Variants in SCAMP5 observed in about 807,000 individuals in gnomAD.
The protein encoded by SCAMP5 is secretory carrier membrane protein 5.
SCAMP5 carries 7 observed loss-of-function variants against 28.3 expected under a neutral mutation model. The ratio of observed to expected loss-of-function variants is 0.25; its 90% CI spans 0.14 to 0.46. The LOEUF (loss-of-function observed/expected upper bound fraction) is 0.46. Among genes scored for constraint, SCAMP5 ranks in the 20% least tolerant of loss-of-function variants. The pLI is 0.99. For missense variants in SCAMP5, 192 were observed against 312.5 expected (o/e 0.61, Z 2.91); for synonymous variants, 117 against 116.4 (o/e 1.00, Z -0.03).
At chr15:75,003,089 C>A (rs542314986) in intron 1 of SCAMP5, among the ~76,000 whole-genome samples, 11 of 152,162 alleles carry the variant, frequency 7.2e-5, no homozygotes, top group Non-Finnish European at 1.6e-4. Context: ...CGCCGTCACA[C>A]CCGGCTTATT....
rs2065656316 is a variant in SCAMP5 at position 74,996,581 on chromosome 15, G to T, written c.-49+908G>T. ...TGGGTGGGAGGAGAGGCAAGAGAGG[G>T]CATTCCAGGAGAATGTATGGGCAAA... On this transcript the variant is annotated intron_variant, in intron 1 of 6. Coordinates refer to ENST00000425597, the MANE Select transcript of SCAMP5 (RefSeq NM_138967.4). The surrounding 1 kb of genome is among the most constrained non-coding windows in gnomAD (Gnocchi z 4.1). Among the ~76,000 whole-genome samples the T allele has an allele frequency of 6.6e-6, 1 of 152,200 alleles. No individual in the cohort carries two copies. Among genetic ancestry groups the T allele is most frequent in the East Asian group, 1.9e-4 (1 of 5,200 alleles).
In SCAMP5 at chr15:75,016,694, C is replaced by G. The variant is rs199541483; in HGVS notation, c.238C>G (p.Leu80Val). ...TGGCCTCGCCTTTCTCTGGCTCATC[C>G]TCTTCACACCCTGCTCCTACGTCTG... ...NFGLAFLWLI[L>V]FTPCSYVCWF... is the part of the protein sequence containing the mutation. Residue 80 changes from leucine (L) to valine (V), a missense_variant, in exon 4 of 7, where the codon CTC becomes GTC. Transcript: ENST00000425597. 1.2e-6 allele frequency: 2 copies of G among 1,613,952 alleles called. No homozygotes were observed. Among genetic ancestry groups the G allele is most frequent in the East Asian group, 2.2e-5 (1 of 44,884 alleles).
intron 1 of SCAMP5, chr15:74,995,927 G>A (rs1322739458): frequency 1.3e-5 from 2 of 152,618 alleles, no homozygotes; most frequent in African/African-American, 4.8e-5. Flanking sequence ...CTCCCGCAGA[G>A]GGAACTGGGC....
intron 1 of SCAMP5, among the ~76,000 whole-genome samples, chr15:75,004,397 A>G (rs77545126): frequency 0.031 from 4,726 of 152,184 alleles, 246 homozygotes; most frequent in African/African-American, 0.11. Flanking sequence ...TACAGACCAG[A>G]CACTGCTTCT....
At position 75,018,487 on chromosome 15, in the gene SCAMP5, T is replaced by C; in HGVS notation, c.465T>C (p.Thr155=). 6.2e-7 allele frequency: 1 copy of C among 1,613,660 alleles called. No individual in the cohort carries two copies. Among genetic ancestry groups the C allele is most frequent in the South Asian group, 1.1e-5 (1 of 91,072 alleles). The change falls in exon 6 of 7, where the codon ACT becomes ACC. Residue 155 remains threonine (T), a synonymous_variant. Coordinates refer to ENST00000425597, the MANE Select transcript of SCAMP5 (RefSeq NM_138967.4). This position sits in a 1 kb window ranked among gnomAD's most constrained non-coding sequence, Gnocchi z 5.6. ...CGGCGGTGGTGATGCTAATTCCCAC[T>C]GTCATGTTCACAGTGATGGCCGTCT... The part of the protein sequence containing the change: ...IGSAVVMLIP[T]VMFTVMAVFS...
rs1341828393 is a variant in SCAMP5 at position 75,016,697 on chromosome 15, T to G, written c.241T>G (p.Phe81Val). 1 of 1,613,942 alleles carries G rather than the reference T, an allele frequency of 6.2e-7. No individual in the cohort carries two copies. Among genetic ancestry groups the G allele is most frequent in the South Asian group, 1.1e-5 (1 of 91,080 alleles). ...CCTCGCCTTTCTCTGGCTCATCCTC[T>G]TCACACCCTGCTCCTACGTCTGCTG... ...FGLAFLWLIL[F>V]TPCSYVCWFR... The change falls in exon 4 of 7, where the codon TTC (phenylalanine) becomes GTC (valine). Residue 81 changes from phenylalanine to valine, a missense_variant. Coordinates refer to ENST00000425597, the MANE Select transcript of SCAMP5 (RefSeq NM_138967.4).
At chr15:75,009,727 C>T (rs1595885566) in intron 1 of SCAMP5, among the ~76,000 whole-genome samples, 1 of 152,230 alleles carries the variant, frequency 6.6e-6, no homozygotes, top group East Asian at 1.9e-4. Context: ...CCTCCTGCCT[C>T]GGACTCCCAA....
intron 1 of SCAMP5, among the ~76,000 whole-genome samples, chr15:74,998,671 C>T (rs919214322): frequency 2.0e-5 from 3 of 151,706 alleles, no homozygotes; most frequent in South Asian, 2.1e-4. Context: ...CCTCCAACCC[C>T]CCACCCCCCA....
intron 3 of SCAMP5, among the ~76,000 whole-genome samples, chr15:75,016,282 G>T (rs952834925): frequency 9.2e-5 from 14 of 152,266 alleles, no homozygotes; most frequent in African/African-American, 3.4e-4. Context: ...AGGAGTGGGT[G>T]CTGGGGTTGA....
At chr15:75,009,503 G>A (rs1414059348) in intron 1 of SCAMP5, among the ~76,000 whole-genome samples, 2 of 150,282 alleles carry the variant, frequency 1.3e-5, no homozygotes, top group African/African-American at 2.4e-5. Context: ...CTTTGAGACA[G>A]TCTTGCTCTG....
intron 3 of SCAMP5, among the ~76,000 whole-genome samples, chr15:75,013,700 T>C (rs6495140): frequency 0.2 from 30,352 of 151,948 alleles, 4,811 homozygotes; most frequent in South Asian, 0.43. Flanking sequence ...TAGTGGCACA[T>C]GCCTGTAGTC....
intron 2 of SCAMP5, among the ~76,000 whole-genome samples, 184 bp from the exon 3 acceptor site, chr15:75,012,491 CAG>C (rs766603075): frequency 1.3e-5 from 2 of 152,216 alleles, no homozygotes; most frequent in Non-Finnish European, 2.9e-5. Flanking sequence ...GACACTGTCT[CAG>C]GGCCTTTGGC....
chr15:75,009,435 A>G (rs931407032), intron 1 of SCAMP5, among the ~76,000 whole-genome samples: 2 of 123,046 alleles, frequency 1.6e-5, no homozygotes, highest in Non-Finnish European at 3.6e-5. Context: ...CTGGAATGCT[A>G]GAAGTTTGTG....
At chr15:75,001,765 G>GA (rs1413424384) in intron 1 of SCAMP5, among the ~76,000 whole-genome samples, 2 of 150,590 alleles carry the variant, frequency 1.3e-5, no homozygotes, top group East Asian at 3.9e-4. Context: ...AGCTACTCGG[G>GA]ATGCTGAGGC....
intron 1 of SCAMP5, among the ~76,000 whole-genome samples, chr15:74,998,929 G>T (rs1024090308): frequency 6.6e-6 from 1 of 152,174 alleles, no homozygotes; most frequent in Non-Finnish European, 1.5e-5. Context: ...TTAGGCTGGA[G>T]CCCGGTTAGG....
intron 1 of SCAMP5, among the ~76,000 whole-genome samples, chr15:74,999,503 C>G (rs2065682502): frequency 6.6e-6 from 1 of 152,136 alleles, no homozygotes; most frequent in African/African-American, 2.4e-5. Context: ...GGAGGTGGAA[C>G]CACCCCCATG....
At position 75,016,512 on chromosome 15, in the gene SCAMP5, T is replaced by C. The variant is rs112339633; in HGVS notation, c.137-81T>C. 5,952 of 1,322,488 alleles carry C rather than the reference T, an allele frequency of 4.5e-3. 180 individuals carry two copies. The African/African-American group carries it at 0.072, about 16-fold the overall frequency. 81.9% of individuals were successfully genotyped at this position (1,322,488 alleles called of 1,614,324 possible). A position where few individuals can be genotyped will look rare whatever the true frequency, so the allele number is the denominator to read the frequency against. On this transcript the variant is annotated intron_variant, in intron 3 of 6. Transcript: ENST00000425597. ...CTCTGTTGCGTTACTGGTGTGTGTG[T>C]GCCCATGTCCGGGTGCTCATGTGTC...
chr15:75,018,622 C>A lies in SCAMP5; in HGVS notation c.513+87C>A. 8.9e-7 allele frequency: 1 copy of A among 1,118,800 alleles called. No individual in the cohort carries two copies. Among genetic ancestry groups the A allele is most frequent in the Non-Finnish European group, 1.4e-6 (1 of 728,642 alleles). The allele number at this position is 1,118,800 out of a possible 1,614,324, so 69.3% of individuals were successfully genotyped here. On this transcript the variant is annotated intron_variant, in intron 6 of 6. Coordinates refer to ENST00000425597, the MANE Select transcript of SCAMP5 (RefSeq NM_138967.4). The surrounding 1 kb of genome is among the most constrained non-coding windows in gnomAD (Gnocchi z 5.6). ...CCCTCCTCCAAGTTGCAAGAGGATC[C>A]CGAGGTCTTCCAAGGGACTCACTCT...
At chr15:75,002,414 C>T (rs2065718308) in intron 1 of SCAMP5, among the ~76,000 whole-genome samples, 1 of 151,978 alleles carries the variant, frequency 6.6e-6, no homozygotes, top group African/African-American at 2.4e-5. Flanking sequence ...CCAGCTGCAG[C>T]CCTCCCTGGG....
Sources: gnomAD v4.1 joint callset for allele counts (sites outside exome capture counted in the v4.1 genomes callset) on GRCh38, gnomAD v4.1.1 for gene constraint, Gnocchi (gnomAD v3.1) non-coding constraint, MANE v1.5 for transcripts, NCBI Gene and HGNC (gene_info 2026-07-23, HGNC 2026-07-21) for gene names.